TEX9: variants seen among roughly 807,000 people sequenced by gnomAD.
The protein encoded by TEX9 is testis-expressed protein 9.
TEX9 carries 74 observed loss-of-function variants against 59.6 expected under a neutral mutation model. The observed-to-expected ratio is 1.24, with a 90% CI of 1.03 to 1.51. The LOEUF (loss-of-function observed/expected upper bound fraction) is 1.51. Among genes scored for constraint, TEX9 ranks in the 40% most tolerant of loss-of-function variants. The pLI, the probability that TEX9 is intolerant of heterozygous loss-of-function variation, is 0.00. For synonymous variants in TEX9, 186 were observed against 152.2 expected (o/e 1.22, Z -1.64); for missense variants, 522 against 447.8 (o/e 1.17, Z -1.49).
the TEX9 span, among the ~76,000 whole-genome samples, chr15:56,460,009 A>AAAAAAAAAAAAATATATATATATATATAT: frequency 4.9e-4 from 13 of 26,378 alleles, 3 homozygotes; most frequent in East Asian, 1.1e-3. Flanking sequence ...AAAAAAAAAA[A>AAAAAAAAAAAAATATATATATATATATAT]ATACATATAT....
At chr15:56,249,502 C>T (rs1171951180) in intron 1 of TEX9, among the ~76,000 whole-genome samples, 4 of 151,222 alleles carry the variant, frequency 2.6e-5, no homozygotes, top group Non-Finnish European at 4.4e-5. Flanking sequence ...AAGGAAGGGG[C>T]GCTGAGACAG....
intron 12 of TEX9, among the ~76,000 whole-genome samples, chr15:56,435,722 C>A (rs536137499): frequency 6.6e-6 from 1 of 152,084 alleles, no homozygotes; most frequent in African/African-American, 2.4e-5. Flanking sequence ...GATGGTTTCA[C>A]TAGAAAATTC....
At chr15:56,436,698 A>T (rs529468001) in intron 12 of TEX9, among the ~76,000 whole-genome samples, 1 of 152,304 alleles carries the variant, frequency 6.6e-6, no homozygotes, top group South Asian at 2.1e-4. Context: ...AACAAAATTG[A>T]TAGACCGCTA....
At chr15:56,263,882 GTTT>G (rs1204773087) in intron 1 of TEX9, among the ~76,000 whole-genome samples, 1 of 151,336 alleles carries the variant, frequency 6.6e-6, no homozygotes, top group Non-Finnish European at 1.5e-5. Flanking sequence ...TCTGCCATTT[GTTT>G]TTTATTAATG....
At chr15:56,407,436 A>G (rs1444156823) in intron 9 of TEX9, among the ~76,000 whole-genome samples, 1 of 152,112 alleles carries the variant, frequency 6.6e-6, no homozygotes, top group African/African-American at 2.4e-5. Flanking sequence ...TTGCTAATTT[A>G]TGTTTTTCGT....
At chr15:56,437,601 G>A (rs1484371344) in intron 12 of TEX9, among the ~76,000 whole-genome samples, 1 of 152,134 alleles carries the variant, frequency 6.6e-6, no homozygotes, top group Non-Finnish European at 1.5e-5. Context: ...ACATAGTGTT[G>A]GAAGTTCTGG....
chr15:56,388,567 C>A (rs2048065198), intron 5 of TEX9, 47 bp downstream of exon 5: 1 of 1,530,340 alleles, frequency 6.5e-7, no homozygotes, highest in African/African-American at 1.4e-5. Flanking sequence ...CTGTAGAACT[C>A]CGGATATTTT....
At chr15:56,313,249 T>A (rs2045668716) in intron 1 of TEX9, among the ~76,000 whole-genome samples, 1 of 90,648 alleles carries the variant, frequency 1.1e-5, no homozygotes, top group Non-Finnish European at 2.3e-5. Context: ...TGCTTCCAGT[T>A]TTTGCCCATT....
At chr15:56,339,383 C>CAAAAAAAAAAAAAAAAAA (rs71456382) in intron 1 of TEX9, among the ~76,000 whole-genome samples, 8 of 30,766 alleles carry the variant, frequency 2.6e-4, no homozygotes, top group African/African-American at 8.4e-4. Context: ...ACTCCTTCTC[C>CAAAAAAAAAAAAAAAAAA]AAAAAAAAAA....
intron 1 of TEX9, among the ~76,000 whole-genome samples, chr15:56,257,114 G>A (rs1342882689): frequency 2.6e-5 from 4 of 152,084 alleles, no homozygotes; most frequent in African/African-American, 9.7e-5. Context: ...CAAAGGACAT[G>A]ATCTCATTCT....
intron 12 of TEX9, chr15:56,429,046 C>A: frequency 8.8e-7 from 1 of 1,140,616 alleles, no homozygotes; most frequent in South Asian, 1.5e-5. Flanking sequence ...AAAAGTTATG[C>A]TGACATCTAG....
chr15:56,321,075 C>T (rs1375171941), intron 1 of TEX9, among the ~76,000 whole-genome samples: 1 of 152,114 alleles, frequency 6.6e-6, no homozygotes, highest in Non-Finnish European at 1.5e-5. Flanking sequence ...TGTGAGCTTT[C>T]TTGTTATTTT....
chr15:56,337,350 A>C (rs1325214025), intron 1 of TEX9, among the ~76,000 whole-genome samples: 1 of 152,164 alleles, frequency 6.6e-6, no homozygotes, highest in African/African-American at 2.4e-5. Context: ...TGGATACTGC[A>C]TGTATTCGTC....
chr15:56,357,971 A>C (rs1409334188), intron 1 of TEX9, among the ~76,000 whole-genome samples: 3 of 152,134 alleles, frequency 2.0e-5, no homozygotes, highest in African/African-American at 7.2e-5. Flanking sequence ...TTTGATGGTG[A>C]ACTCACATTG....
intron 1 of TEX9, among the ~76,000 whole-genome samples, chr15:56,260,628 T>C (rs1001833943): frequency 9.2e-5 from 14 of 152,098 alleles, no homozygotes; most frequent in African/African-American, 3.4e-4. Context: ...TTTTTACATA[T>C]TCTTTGGATT....
chr15:56,349,727 A>G (rs533534606), intron 1 of TEX9, among the ~76,000 whole-genome samples: 81 of 151,360 alleles, frequency 5.4e-4, no homozygotes, highest in African/African-American at 2.0e-3. Context: ...ATAAGCACAT[A>G]TACACACGTG....
At chr15:56,294,789 A>G (rs1305019441) in intron 1 of TEX9, among the ~76,000 whole-genome samples, 1 of 152,228 alleles carries the variant, frequency 6.6e-6, no homozygotes, top group Non-Finnish European at 1.5e-5. Context: ...GAATATCAGC[A>G]GATTTCAAAC....
At chr15:56,252,362 TGA>T (rs2044041649) in intron 1 of TEX9, among the ~76,000 whole-genome samples, 1 of 149,316 alleles carries the variant, frequency 6.7e-6, no homozygotes, top group African/African-American at 2.5e-5. Context: ...TTTGTTGAAT[TGA>T]GCTATTAGAA....
intron 2 of TEX9, among the ~76,000 whole-genome samples, chr15:56,367,291 A>G (rs1470729977): frequency 6.6e-6 from 1 of 152,232 alleles, no homozygotes; most frequent in East Asian, 1.9e-4. Context: ...TGAATCTTCT[A>G]GAATACTTCT....
Sources: gnomAD v4.1 joint callset for allele counts (sites outside exome capture counted in the v4.1 genomes callset) on GRCh38, gnomAD v4.1.1 for gene constraint, MANE v1.5 for transcripts, NCBI Gene and HGNC (gene_info 2026-07-23, HGNC 2026-07-21) for gene names.